Variants in BTBD16 observed in about 807,000 individuals in gnomAD.
BTBD16 encodes the protein BTB/POZ domain-containing protein 16.
Under a neutral mutation model 67.4 loss-of-function variants are expected in BTBD16, and 66 were observed. The observed-to-expected ratio is 0.98, with a 90% CI of 0.80 to 1.20. The LOEUF (loss-of-function observed/expected upper bound fraction) is 1.20, where lower values mean the gene tolerates loss of function less well. Ranked by LOEUF, BTBD16 falls within the 50% of genes most tolerant of loss-of-function variation. The pLI is 0.00. For missense variants in BTBD16, 634 were observed against 616.0 expected (o/e 1.03, Z -0.31); for synonymous variants, 242 against 236.4 (o/e 1.02, Z -0.22).
chr10:122,286,113 C>T lies in BTBD16; in HGVS notation c.250C>T (p.Leu84Phe), dbSNP rs903745399. 1.9e-6 allele frequency: 3 copies of T among 1,613,378 alleles called. No individual in the cohort carries two copies. The highest frequency in any genetic ancestry group is 2.2e-5 in the East Asian group (1 of 44,866). The change falls in exon 5 of 16, where the codon CTC becomes TTC. Residue 84 changes from leucine to phenylalanine, a missense_variant. Transcript: ENST00000260723. ...TCATTTTCTGTCCTCAGATGTGATT[C>T]TCGAGTGCCTGGGCTTCAAATGGGA... ...DIQSGEADVI[L>F]ECLGFKWELH...
chr10:122,295,516 C>A (rs1442868877), intron 7 of BTBD16: 12 of 985,180 alleles, frequency 1.2e-5, no homozygotes, highest in Non-Finnish European at 1.3e-5. Context: ...TTAGGCTGAG[C>A]CCCTCCTGTG....
At chr10:122,289,332 A>G (rs1347225426) in intron 5 of BTBD16, among the ~76,000 whole-genome samples, 2 of 152,182 alleles carry the variant, frequency 1.3e-5, no homozygotes, top group South Asian at 2.1e-4. Flanking sequence ...GACCATGCAC[A>G]GGGCTATGTA....
intron 9 of BTBD16, among the ~76,000 whole-genome samples, chr10:122,301,291 G>C (rs1007564532): frequency 1.3e-5 from 2 of 152,168 alleles, no homozygotes; most frequent in East Asian, 3.9e-4. Flanking sequence ...ACAACCGGAA[G>C]GTTAGCGGTG....
intron 2 of BTBD16, among the ~76,000 whole-genome samples, chr10:122,275,691 C>A (rs2096339104): frequency 6.6e-6 from 1 of 152,168 alleles, no homozygotes; most frequent in African/African-American, 2.4e-5. Flanking sequence ...CAATGACATC[C>A]ATTCCTGTGG....
intron 9 of BTBD16, among the ~76,000 whole-genome samples, chr10:122,305,136 A>G (rs866163078): frequency 6.6e-6 from 1 of 152,196 alleles, no homozygotes; most frequent in Non-Finnish European, 1.5e-5. Context: ...TAAGGTCAGT[A>G]ATCAGCTGAT....
chr10:122,280,136 G>A (rs960361214), intron 3 of BTBD16, among the ~76,000 whole-genome samples: 19 of 152,294 alleles, frequency 1.2e-4, no homozygotes, highest in Admixed American at 4.6e-4. Flanking sequence ...ACTTCCTTGC[G>A]AGTACTCTAA....
chr10:122,334,235 A>G (rs1439831694), intron 13 of BTBD16, among the ~76,000 whole-genome samples: 2 of 143,022 alleles, frequency 1.4e-5, no homozygotes, highest in Non-Finnish European at 1.5e-5. Context: ...TTGCTCTGTC[A>G]CCCAGGCTGG....
intron 10 of BTBD16, among the ~76,000 whole-genome samples, chr10:122,312,309 CTTTTTTTTTT>C (rs58045019): frequency 0.013 from 1,330 of 105,612 alleles, 17 homozygotes; most frequent in South Asian, 0.063. Context: ...TTTTCTTTTT[CTTTTTTTTTT>C]TTTTTTTTTT....
At chr10:122,317,610 G>C (rs1477762170) in intron 10 of BTBD16, among the ~76,000 whole-genome samples, 1 of 151,844 alleles carries the variant, frequency 6.6e-6, no homozygotes, top group Non-Finnish European at 1.5e-5. Context: ...TCGCACCACT[G>C]AACTCCAGCC....
chr10:122,336,461 AGT>A (rs755446372), intron 14 of BTBD16, 31 bp from the exon 15 acceptor site: 4 of 1,555,640 alleles, frequency 2.6e-6, no homozygotes, highest in Non-Finnish European at 8.7e-7. Context: ...CCCCGATTGC[AGT>A]TCCACCTAAG....
intron 13 of BTBD16, chr10:122,332,794 A>G (rs904634710): frequency 1.8e-5 from 18 of 984,010 alleles, no homozygotes; most frequent in African/African-American, 1.7e-5. Context: ...TAGGACTTCA[A>G]TTCTAAAACC....
At chr10:122,335,511 C>T (rs547040724) in intron 14 of BTBD16, among the ~76,000 whole-genome samples, 1 of 152,160 alleles carries the variant, frequency 6.6e-6, no homozygotes, top group Non-Finnish European at 1.5e-5. Flanking sequence ...AACGGCCTTG[C>T]GAGCTATAGG....
At chr10:122,291,238 A>G (rs752105622) in intron 7 of BTBD16, 44 bp downstream of exon 7, 55 of 1,583,972 alleles carry the variant, frequency 3.5e-5, no homozygotes, top group Non-Finnish European at 4.7e-5. Context: ...GGCCTGGGGG[A>G]AATCGGAAGG....
At chr10:122,327,468 T>A in intron 10 of BTBD16, 1 of 409,840 alleles carries the variant, frequency 2.4e-6, no homozygotes, top group Non-Finnish European at 3.3e-6. Flanking sequence ...AGGCACCACC[T>A]GTGGCTACTG....
In BTBD16 at chr10:122,299,680, C is replaced by T. The variant is rs902420855; in HGVS notation, c.791+546C>T. On this transcript the variant is annotated intron_variant, in intron 9 of 15. Coordinates refer to ENST00000260723, the MANE Select transcript of BTBD16 (RefSeq NM_144587.5). ...GGATCAAGCTAGACCCTTGATAGTCCTGGACGCCACTTTGACCATACCCCA... is the reference window on the plus strand; with the variant it reads ...GGATCAAGCTAGACCCTTGATAGTCTTGGACGCCACTTTGACCATACCCCA... Among the ~76,000 whole-genome samples, 3 of 152,136 alleles carry T rather than the reference C, an allele frequency of 2.0e-5. No homozygotes were observed. In the South Asian group the frequency reaches 6.2e-4, roughly 32 times the overall value.
intron 2 of BTBD16, 45 bp downstream of exon 2, chr10:122,275,144 A>G: frequency 1.3e-6 from 2 of 1,587,620 alleles, no homozygotes; most frequent in Non-Finnish European, 1.7e-6. Context: ...GAGAAGAAGC[A>G]TTTGCTTATG....
chr10:122,291,232 T>G, intron 7 of BTBD16, 38 bp downstream of exon 7: 1 of 1,589,214 alleles, frequency 6.3e-7, no homozygotes. Context: ...GGGCCGGGCC[T>G]GGGGGAAATC....
intron 3 of BTBD16, among the ~76,000 whole-genome samples, chr10:122,281,194 C>T (rs1372185759): frequency 2.6e-5 from 4 of 152,272 alleles, no homozygotes; most frequent in South Asian, 2.1e-4. Flanking sequence ...ATAACAAGGG[C>T]GACACCAGTT....
At chr10:122,327,858 T>C (rs1444424846) in intron 10 of BTBD16, among the ~76,000 whole-genome samples, 1 of 152,106 alleles carries the variant, frequency 6.6e-6, no homozygotes, top group Non-Finnish European at 1.5e-5. Flanking sequence ...AGAACCGGCG[T>C]CTGGAGCTTC....
Sources: allele counts gnomAD v4.1 joint callset (sites outside exome capture counted in the v4.1 genomes callset), GRCh38; gene constraint gnomAD v4.1.1; transcripts MANE v1.5; gene names NCBI Gene and HGNC (gene_info 2026-07-23, HGNC 2026-07-21).